EXOC4: variants seen among roughly 807,000 people sequenced by gnomAD.
The protein encoded by EXOC4 is SEC8-like 1.
Under a neutral mutation model 107.2 loss-of-function variants are expected in EXOC4, and 71 were observed. The ratio of observed to expected loss-of-function variants is 0.66; its 90% confidence interval spans 0.55 to 0.81. EXOC4 has a LOEUF of 0.81. EXOC4 is among the 30% of genes least tolerant of loss of function. The pLI, the probability that EXOC4 is intolerant of heterozygous loss-of-function variation, is 0.00. For missense variants in EXOC4, 1,108 were observed against 1,189.6 expected (o/e 0.93, Z 1.01); for synonymous variants, 456 against 441.2 (o/e 1.03, Z -0.42).
chr7:133,260,046 TG>T (rs758918126), intron 1 of EXOC4, among the ~76,000 whole-genome samples: 54 of 150,976 alleles, frequency 3.6e-4, no homozygotes, highest in African/African-American at 1.1e-3. Flanking sequence ...CTTTTTTTTT[TG>T]TGTGTGTAAG....
rs542435421 is a variant in EXOC4 at position 133,355,451 on chromosome 7, G to A, written c.764-879G>A. 3.9e-5 allele frequency among the ~76,000 whole-genome samples: 6 copies of A among 152,184 alleles called. No individual in the cohort carries two copies. In the East Asian group the frequency reaches 1.2e-3, roughly 29 times the overall value. On this transcript the variant is annotated intron_variant, in intron 5 of 17. Transcript: ENST00000253861. ...CAGTTGCGAAACCCGGAATTCCTAT[G>A]TGAAGTTTTGCATATGTATATTCAT...
chr7:134,100,579 G>A, the EXOC4 span, among the ~76,000 whole-genome samples: 4 of 129,594 alleles, frequency 3.1e-5, no homozygotes, highest in African/African-American at 5.3e-5. Flanking sequence ...CTGGAACCAC[G>A]GTCTGTAAAG....
At chr7:133,456,292 G>A (rs1219033466) in intron 7 of EXOC4, among the ~76,000 whole-genome samples, 1 of 152,104 alleles carries the variant, frequency 6.6e-6, no homozygotes, top group Non-Finnish European at 1.5e-5. Context: ...AAAATATTTG[G>A]GTTTTAGTTT....
At chr7:133,496,797 A>G (rs1232210436) in intron 9 of EXOC4, among the ~76,000 whole-genome samples, 1 of 152,034 alleles carries the variant, frequency 6.6e-6, no homozygotes, top group Non-Finnish European at 1.5e-5. Flanking sequence ...GGTGGTATCC[A>G]TGATTCTGAC....
chr7:133,974,441 A>G (rs1288150665), intron 14 of EXOC4, among the ~76,000 whole-genome samples: 1 of 152,226 alleles, frequency 6.6e-6, no homozygotes, highest in Non-Finnish European at 1.5e-5. Context: ...TAGTTGAACT[A>G]GAACTTTATA....
At chr7:134,089,260 A>C in the EXOC4 span, among the ~76,000 whole-genome samples, 3 of 152,196 alleles carry the variant, frequency 2.0e-5, no homozygotes, top group South Asian at 6.2e-4. Context: ...AACTTAAAAC[A>C]ATCCTTTAAC....
At chr7:133,821,840 G>A (rs2151221840) in intron 11 of EXOC4, among the ~76,000 whole-genome samples, 1 of 152,250 alleles carries the variant, frequency 6.6e-6, no homozygotes, top group Non-Finnish European at 1.5e-5. Context: ...TGCCATAGAG[G>A]AAACACTCAA....
chr7:133,372,730 C>T (rs1320788450), intron 6 of EXOC4, among the ~76,000 whole-genome samples: 1 of 152,206 alleles, frequency 6.6e-6, no homozygotes, highest in East Asian at 1.9e-4. Flanking sequence ...GTATCTAGAA[C>T]TTCATGCCAT....
At chr7:133,819,116 C>T (rs951722694) in intron 11 of EXOC4, among the ~76,000 whole-genome samples, 1 of 152,122 alleles carries the variant, frequency 6.6e-6, no homozygotes. Context: ...TCACTGGACT[C>T]TGGCAATGTC....
intron 12 of EXOC4, among the ~76,000 whole-genome samples, chr7:133,914,515 G>A (rs1765076810): frequency 6.6e-6 from 1 of 152,110 alleles, no homozygotes; most frequent in African/African-American, 2.4e-5. Flanking sequence ...ACCCAACCTG[G>A]AGTAGAAAAG....
intron 12 of EXOC4, among the ~76,000 whole-genome samples, chr7:133,905,183 G>A (rs1045598965): frequency 5.9e-5 from 9 of 152,126 alleles, no homozygotes; most frequent in Non-Finnish European, 7.4e-5. Flanking sequence ...CTCTGCTGAG[G>A]GTTGGCTTGT....
intron 10 of EXOC4, among the ~76,000 whole-genome samples, chr7:133,723,743 G>A (rs1033001411): frequency 8.6e-5 from 13 of 151,992 alleles, no homozygotes; most frequent in Admixed American, 4.6e-4. Flanking sequence ...TACATGCCTC[G>A]GCCTCCCAAA....
chr7:133,599,498 G>A (rs904119956), intron 9 of EXOC4, among the ~76,000 whole-genome samples: 2 of 152,028 alleles, frequency 1.3e-5, no homozygotes, highest in African/African-American at 4.8e-5. Flanking sequence ...TTCTCTAATG[G>A]CTGTTTAACA....
intron 9 of EXOC4, among the ~76,000 whole-genome samples, chr7:133,594,491 G>GTTTTTTTTTTTTTTTTTTTT (rs1302445068): frequency 4.2e-5 from 1 of 23,678 alleles, no homozygotes; most frequent in Non-Finnish European, 7.6e-5. Context: ...ATAAGCTTGA[G>GTTTTTTTTTTTTTTTTTTTT]TCTTTTTTTT....
chr7:133,566,248 G>A (rs533904853), intron 9 of EXOC4, among the ~76,000 whole-genome samples: 2 of 152,312 alleles, frequency 1.3e-5, no homozygotes, highest in South Asian at 4.1e-4. Context: ...AAACTCATCT[G>A]TGCTTTATCT....
chr7:133,648,066 A>G (rs1256358336), intron 10 of EXOC4, among the ~76,000 whole-genome samples: 1 of 152,206 alleles, frequency 6.6e-6, no homozygotes, highest in Admixed American at 6.5e-5. Context: ...TAATGGGCTA[A>G]TATAGGTCTA....
chr7:133,709,016 T>C (rs1794827684), intron 10 of EXOC4, among the ~76,000 whole-genome samples: 1 of 152,202 alleles, frequency 6.6e-6, no homozygotes, highest in Non-Finnish European at 1.5e-5. Flanking sequence ...TTTTGGAGTA[T>C]TAGGCTTGGT....
chr7:133,503,729 T>G (rs183678108), intron 9 of EXOC4, among the ~76,000 whole-genome samples: 48 of 152,308 alleles, frequency 3.2e-4, no homozygotes, highest in Non-Finnish European at 1.6e-4. Flanking sequence ...ATTTCCTTTG[T>G]TGGGAAATGT....
intron 10 of EXOC4, among the ~76,000 whole-genome samples, chr7:133,755,359 C>T (rs1470642889): frequency 7.5e-5 from 7 of 93,218 alleles, no homozygotes; most frequent in African/African-American, 1.3e-4. Flanking sequence ...TTTTTTTTGG[C>T]GGGGGGACAG....
Sources: allele counts gnomAD v4.1 joint callset (sites outside exome capture counted in the v4.1 genomes callset), GRCh38; gene constraint gnomAD v4.1.1; transcripts MANE v1.5; gene names NCBI Gene and HGNC (gene_info 2026-07-23, HGNC 2026-07-21).